Variants in PKNOX2 observed in about 807,000 individuals in gnomAD.
PKNOX2 encodes homeobox protein PKNOX2.
PKNOX2 carries 14 observed loss-of-function variants against 53.1 expected under a neutral mutation model. The observed-to-expected ratio is 0.26, with a 90% CI of 0.17 to 0.41. The LOEUF (loss-of-function observed/expected upper bound fraction) is 0.41, where lower values mean the gene tolerates loss of function less well. Ranked by LOEUF, PKNOX2 falls within the 10% of genes least tolerant of loss-of-function variation. The pLI, the probability that PKNOX2 is intolerant of heterozygous loss-of-function variation, is 1.00. For missense variants in PKNOX2, 496 were observed against 602.8 expected (o/e 0.82, Z 1.85); for synonymous variants, 257 against 242.8 (o/e 1.06, Z -0.54).
chr11:125,191,635 T>C (rs2135348689), intron 1 of PKNOX2, among the ~76,000 whole-genome samples: 1 of 152,102 alleles, frequency 6.6e-6, no homozygotes, highest in East Asian at 1.9e-4. Context: ...GTTGGGAAGT[T>C]GTGGTGGGGC....
At chr11:125,263,741 C>T (rs1466442396) in intron 2 of PKNOX2, among the ~76,000 whole-genome samples, 1 of 152,176 alleles carries the variant, frequency 6.6e-6, no homozygotes, top group African/African-American at 2.4e-5. Flanking sequence ...ACTCTTCCGG[C>T]GCTGGCTCTC....
intron 7 of PKNOX2, among the ~76,000 whole-genome samples, chr11:125,404,644 A>AC (rs969252859): frequency 5.9e-5 from 9 of 151,864 alleles, no homozygotes; most frequent in Admixed American, 2.0e-4. Flanking sequence ...AAACACACAC[A>AC]CACCACCACA....
chr11:125,238,064 A>G (rs1486664967), intron 2 of PKNOX2, among the ~76,000 whole-genome samples: 2 of 152,206 alleles, frequency 1.3e-5, no homozygotes, highest in Non-Finnish European at 2.9e-5. Context: ...TGTGCCCTCC[A>G]AGAACTATAG....
At chr11:125,183,965 T>A (rs1003059213) in intron 1 of PKNOX2, among the ~76,000 whole-genome samples, 1 of 152,178 alleles carries the variant, frequency 6.6e-6, no homozygotes, top group African/African-American at 2.4e-5. Context: ...GGACCCTCCA[T>A]TTGCCTCAAA....
chr11:125,403,218 C>T (rs916568404), intron 7 of PKNOX2, among the ~76,000 whole-genome samples: 1 of 152,138 alleles, frequency 6.6e-6, no homozygotes, highest in African/African-American at 2.4e-5. Context: ...GCGACACAGT[C>T]CCAGGTCTCC....
chr11:125,419,997 G>A (rs1956088211), intron 10 of PKNOX2, among the ~76,000 whole-genome samples: 1 of 151,220 alleles, frequency 6.6e-6, no homozygotes, highest in Admixed American at 6.6e-5. Flanking sequence ...ACCAGCCTGG[G>A]CAACATGGCA....
At position 125,272,487 on chromosome 11, in the gene PKNOX2, C is replaced by A. The variant is rs117719445; in HGVS notation, c.-130+37372C>A. ...TTAAGGTCACATGATTAATATGGGA[C>A]AACTGGGGCCCAAGCTCAGATCTTG... On this transcript the variant is annotated intron_variant, in intron 2 of 12. Coordinates refer to ENST00000298282, the MANE Select transcript of PKNOX2 (RefSeq NM_001382323.2). Among the ~76,000 whole-genome samples, 729 of 152,306 alleles carry A rather than the reference C, an allele frequency of 4.8e-3. 4 individuals carry two copies. Among genetic ancestry groups the A allele is most frequent in the South Asian group, 0.024 (118 of 4,820 alleles).
intron 2 of PKNOX2, among the ~76,000 whole-genome samples, chr11:125,251,348 G>A (rs1426648798): frequency 6.6e-6 from 1 of 152,058 alleles, no homozygotes; most frequent in Non-Finnish European, 1.5e-5. Flanking sequence ...AAACAATTGC[G>A]CTAAATGAGG....
At chr11:125,284,060 T>C (rs1946743289) in intron 2 of PKNOX2, among the ~76,000 whole-genome samples, 1 of 152,320 alleles carries the variant, frequency 6.6e-6, no homozygotes, top group African/African-American at 2.4e-5. Flanking sequence ...GTAACCTCTC[T>C]AGCCTTGGTC....
At chr11:125,218,120 G>A (rs917603917) in intron 1 of PKNOX2, among the ~76,000 whole-genome samples, 3 of 152,102 alleles carry the variant, frequency 2.0e-5, no homozygotes, top group Non-Finnish European at 4.4e-5. Context: ...TTGGGTGGGA[G>A]GGCTTTGGTT....
intron 1 of PKNOX2, among the ~76,000 whole-genome samples, chr11:125,188,326 G>C (rs1956579204): frequency 6.6e-6 from 1 of 152,162 alleles, no homozygotes; most frequent in Admixed American, 6.5e-5. Flanking sequence ...TTTCTCAAAG[G>C]TACTGCATCT....
chr11:125,374,726 C>T (rs183835551), intron 5 of PKNOX2, among the ~76,000 whole-genome samples: 1 of 152,282 alleles, frequency 6.6e-6, no homozygotes, highest in East Asian at 1.9e-4. Context: ...ACCAAAGATC[C>T]AGGAGTCCTG....
At chr11:125,212,661 C>A (rs1343070768) in intron 1 of PKNOX2, among the ~76,000 whole-genome samples, 1 of 151,790 alleles carries the variant, frequency 6.6e-6, no homozygotes, top group Non-Finnish European at 1.5e-5. Flanking sequence ...AACTTCACAG[C>A]TGGGCTTTTT....
intron 7 of PKNOX2, among the ~76,000 whole-genome samples, chr11:125,407,989 C>G (rs1955220091): frequency 6.6e-6 from 1 of 152,136 alleles, no homozygotes; most frequent in African/African-American, 2.4e-5. Flanking sequence ...CCAGTGCCCA[C>G]GCTGCTTCTG....
At chr11:125,428,599 C>A (rs1315082676) in intron 10 of PKNOX2, among the ~76,000 whole-genome samples, 1 of 152,174 alleles carries the variant, frequency 6.6e-6, no homozygotes, top group Non-Finnish European at 1.5e-5. Flanking sequence ...TAAATTGATC[C>A]ATTCACCCCG....
intron 2 of PKNOX2, among the ~76,000 whole-genome samples, chr11:125,287,377 G>A (rs1946973338): frequency 6.6e-6 from 1 of 152,210 alleles, no homozygotes; most frequent in Non-Finnish European, 1.5e-5. Context: ...GCAAGTCTGG[G>A]AAACTCACAG....
intron 2 of PKNOX2, among the ~76,000 whole-genome samples, chr11:125,299,724 GTCC>G (rs1377001784): frequency 1.3e-5 from 2 of 152,144 alleles, no homozygotes; most frequent in African/African-American, 4.8e-5. Flanking sequence ...TTTTCCTGGG[GTCC>G]TCCTTCTTAC....
chr11:125,199,023 T>C (rs1938117731), intron 1 of PKNOX2, among the ~76,000 whole-genome samples: 1 of 152,124 alleles, frequency 6.6e-6, no homozygotes, highest in African/African-American at 2.4e-5. Flanking sequence ...GCATTTTCAG[T>C]AGAGACAGGG....
chr11:125,382,144 C>T lies in PKNOX2; in HGVS notation c.228-3407C>T, dbSNP rs566942549. ...ATACAAACAGCACAGAGAACATGCA[C>T]ACTGTGCTCACAGCACACAAAATCA... On this transcript the variant is annotated intron_variant, in intron 5 of 12. Coordinates refer to ENST00000298282, the MANE Select transcript of PKNOX2 (RefSeq NM_001382323.2). Among the ~76,000 whole-genome samples the T allele has an allele frequency of 1.1e-4, 17 of 152,348 alleles. No homozygotes were observed. In the South Asian group the frequency reaches 3.5e-3, roughly 32 times the overall value.
Sources: gnomAD v4.1 joint callset for allele counts (sites outside exome capture counted in the v4.1 genomes callset) on GRCh38, gnomAD v4.1.1 for gene constraint, MANE v1.5 for transcripts, NCBI Gene and HGNC (gene_info 2026-07-23, HGNC 2026-07-21) for gene names.